The following DMAC2 variants were observed in gnomAD, a reference collection of about 807,000 sequenced individuals.
DMAC2 encodes the protein distal membrane arm assembly component 2.
A neutral mutation model predicts 29.6 loss-of-function variants in DMAC2; 32 were observed. The ratio of observed to expected loss-of-function variants is 1.08; its 90% CI spans 0.81 to 1.45. The LOEUF (loss-of-function observed/expected upper bound fraction) is 1.45. Ranked by LOEUF, DMAC2 falls within the 40% of genes most tolerant of loss-of-function variation. The pLI is 0.00. For synonymous variants in DMAC2, 133 were observed against 137.4 expected (o/e 0.97, Z 0.23); for missense variants, 319 against 340.0 (o/e 0.94, Z 0.49).
intron 5 of DMAC2, chr19:41,432,806 GTGT>G (rs2039631684): frequency 1.9e-6 from 1 of 526,566 alleles, no homozygotes; most frequent in Non-Finnish European, 3.4e-6. Flanking sequence ...GTGTGTGTGT[GTGT>G]GTGTGTGTAG....
chr19:41,435,331 G>A (rs942921078), intron 3 of DMAC2, among the ~76,000 whole-genome samples: 3 of 151,992 alleles, frequency 2.0e-5, no homozygotes, highest in African/African-American at 7.3e-5. Context: ...GTGCAGTGGC[G>A]TGATCTTGGC....
chr19:41,435,110 G>C (rs1025750104), intron 3 of DMAC2, among the ~76,000 whole-genome samples: 1 of 152,116 alleles, frequency 6.6e-6, no homozygotes, highest in African/African-American at 2.4e-5. Context: ...CCACTGGGTA[G>C]CTGGGATTAC....
At chr19:41,434,397 CAAAAAAAAA>C (rs1160927067) in intron 3 of DMAC2, among the ~76,000 whole-genome samples, 1 of 63,274 alleles carries the variant, frequency 1.6e-5, no homozygotes, top group Admixed American at 2.0e-4. Flanking sequence ...GACCCTATCT[CAAAAAAAAA>C]AAAAAAAAAA....
At position 41,438,423 on chromosome 19, in the gene DMAC2, G is replaced by C. The variant is rs782477441; in HGVS notation, c.19-9C>G. The C allele has an allele frequency of 6.2e-6, 10 of 1,608,692 alleles. No homozygotes were observed. The East Asian group carries it at 6.7e-5, about 11-fold the overall frequency. On this transcript the variant is annotated splice_polypyrimidine_tract_variant and intron_variant, in intron 1 of 5. Transcript: ENST00000221943. ...GCGACCAGGCGCAGGGACTGGGGAG[G>C]GGGAGAGGAAAGGAGCTGAGCCTGG...
chr19:41,435,634 C>T lies in DMAC2; in HGVS notation c.296+758G>A, dbSNP rs1046489318. On this transcript the variant is annotated intron_variant, in intron 3 of 5. Transcript: ENST00000221943. ...AGGCTAGAGTTCAGTGGTGTGACTA[C>T]AGCTCACTGTAGCCTCCTGGACTGA... 5.9e-5 allele frequency among the ~76,000 whole-genome samples: 9 copies of T among 151,932 alleles called. No individual in the cohort carries two copies. In the South Asian group the frequency reaches 1.7e-3, roughly 28 times the overall value.
intron 1 of DMAC2, 136 bp downstream of exon 1, chr19:41,439,746 C>G: frequency 6.9e-7 from 1 of 1,458,848 alleles, no homozygotes; most frequent in Non-Finnish European, 9.5e-7. Context: ...CAGGTTTGCA[C>G]TCCCAGTACG....
chr19:41,434,457 G>A (rs1341152151), intron 3 of DMAC2, among the ~76,000 whole-genome samples: 2 of 151,480 alleles, frequency 1.3e-5, no homozygotes, highest in African/African-American at 4.9e-5. Flanking sequence ...GAAACTGAGG[G>A]TCAGCGAGAT....
intron 3 of DMAC2, among the ~76,000 whole-genome samples, chr19:41,435,942 C>G (rs1331950515): frequency 6.6e-6 from 1 of 151,326 alleles, no homozygotes; most frequent in Non-Finnish European, 1.5e-5. Context: ...GTGGTGCAAT[C>G]TCAGCTCACT....
rs1555769159 is a variant in DMAC2 at position 41,432,291 on chromosome 19, C to T, written c.714G>A (p.Glu238=). The change falls in exon 6 of 6, where the codon GAG becomes GAA. Residue 238 remains glutamate, a synonymous_variant. Transcript: ENST00000221943. The part of the protein sequence containing the change: ...NCEVVGVDWA[E]GLKSGPEEQP... ...GCTCCTCCGGCCCTGACTTCAGGCC[C>T]TCAGCCCAGTCGACTCCCACAACCT... 1 of 1,614,176 alleles carries T rather than the reference C, an allele frequency of 6.2e-7. No homozygotes were observed. Among genetic ancestry groups the T allele is most frequent in the African/African-American group, 1.3e-5 (1 of 75,054 alleles).
chr19:41,438,193 G>A (rs1038157530), intron 2 of DMAC2, 25 bp downstream of exon 2: 2 of 1,602,526 alleles, frequency 1.2e-6, no homozygotes, highest in African/African-American at 1.3e-5. Context: ...GTCTCCACAG[G>A]GTCTTGCAGA....
At chr19:41,439,817 G>A (rs1555772516) in intron 1 of DMAC2, 65 bp downstream of exon 1, 1 of 1,609,532 alleles carries the variant, frequency 6.2e-7, no homozygotes, top group Non-Finnish European at 8.5e-7. Flanking sequence ...GCCAACAGAG[G>A]CCCTGAATGC....
intron 2 of DMAC2, among the ~76,000 whole-genome samples, chr19:41,437,339 T>C (rs1436516985): frequency 2.0e-5 from 3 of 151,806 alleles, no homozygotes; most frequent in East Asian, 1.9e-4. Context: ...GAGATTGCAA[T>C]GAGCCATGAT....
chr19:41,432,855 A>AGTGTGTGTGCGTGCGTGT (rs1379743286), intron 5 of DMAC2: 10 of 478,422 alleles, frequency 2.1e-5, no homozygotes, highest in Admixed American at 1.2e-4. Context: ...CTTACAGGAC[A>AGTGTGTGTGCGTGCGTGT]GTGTGTGTGC....
intron 2 of DMAC2, 78 bp from the exon 3 acceptor site, chr19:41,436,550 G>A (rs1568525054): frequency 1.7e-6 from 2 of 1,171,958 alleles, no homozygotes; most frequent in Admixed American, 1.8e-5. Flanking sequence ...TGTTAAGAGG[G>A]GCAGAGTCCA....
At chr19:41,433,723 C>A (rs199899695) in intron 3 of DMAC2, 50 bp from the exon 4 acceptor site, 2 of 1,611,720 alleles carry the variant, frequency 1.2e-6, no homozygotes, top group South Asian at 2.2e-5. Context: ...CTGCCCCAGG[C>A]CTCCAGCCTC....
rs1490245774 is a variant in DMAC2, at chr19:41,432,524, A to C, written c.597-116T>G. On this transcript the variant is annotated intron_variant, in intron 5 of 5. Coordinates refer to ENST00000221943, the MANE Select transcript of DMAC2 (RefSeq NM_018035.3). ...TGTGTATAGGCAGGTAAGCCAGTGT[A>C]AGGACAGCGTGTGTGTGTATAGGGA... 2.2e-4 allele frequency: 206 copies of C among 928,620 alleles called. 1 individual carries two copies. Among genetic ancestry groups the C allele is most frequent in the Non-Finnish European group, 3.1e-4 (193 of 615,514 alleles). The allele number at this position is 928,620 out of a possible 1,614,324, so 57.5% of individuals were successfully genotyped here.
intron 2 of DMAC2, 127 bp downstream of exon 2, chr19:41,438,091 G>T (rs2039965406): frequency 1.2e-6 from 1 of 857,374 alleles, no homozygotes; most frequent in Non-Finnish European, 1.9e-6. Context: ...ACAGCCTGGA[G>T]ATGGAGCTGC....
intron 1 of DMAC2, chr19:41,439,470 T>C: frequency 6.5e-7 from 1 of 1,536,696 alleles, no homozygotes; most frequent in South Asian, 1.2e-5. Flanking sequence ...CTAACTTTCC[T>C]TACATTCATC....
chr19:41,434,332 C>T (rs1230892083), intron 3 of DMAC2, among the ~76,000 whole-genome samples: 1 of 145,620 alleles, frequency 6.9e-6, no homozygotes, highest in African/African-American at 2.6e-5. Context: ...AGCTTGAACC[C>T]AGGAGGTCGA....
Sources: allele counts gnomAD v4.1 joint callset (sites outside exome capture counted in the v4.1 genomes callset), GRCh38; gene constraint gnomAD v4.1.1; transcripts MANE v1.5; gene names NCBI Gene and HGNC (gene_info 2026-07-23, HGNC 2026-07-21).